The following UBE2E3 variants were observed in gnomAD, a reference collection of about 807,000 sequenced individuals.
The protein encoded by UBE2E3 is ubiquitin conjugating enzyme E2 E3.
A neutral mutation model predicts 23.6 loss-of-function variants in UBE2E3; 5 were observed. That is an observed-to-expected ratio of 0.21 (90% CI 0.11 to 0.44). The LOEUF is 0.44. UBE2E3 is among the 20% of genes least tolerant of loss of function. The pLI, the probability that UBE2E3 is intolerant of heterozygous loss-of-function variation, is 0.99. For synonymous variants in UBE2E3, 78 were observed against 87.5 expected, an observed-to-expected ratio of 0.89 and a Z score of 0.60; for missense variants, 81 against 249.8, an observed-to-expected ratio of 0.32 and a Z score of 4.55.
intron 3 of UBE2E3, among the ~76,000 whole-genome samples, chr2:181,023,635 G>A (rs1177258761): frequency 6.6e-6 from 1 of 152,064 alleles, no homozygotes; most frequent in African/African-American, 2.4e-5. Flanking sequence ...TGACAACCTC[G>A]AAGGATTTCT....
intron 3 of UBE2E3, among the ~76,000 whole-genome samples, chr2:181,039,219 T>C (rs766607564): frequency 1.1e-4 from 17 of 149,644 alleles, no homozygotes; most frequent in Non-Finnish European, 1.9e-4. Flanking sequence ...ATCATGGTTG[T>C]AGTGATGTTA....
intron 3 of UBE2E3, among the ~76,000 whole-genome samples, chr2:181,027,822 G>GT (rs1685946782): frequency 6.6e-6 from 1 of 151,876 alleles, no homozygotes; most frequent in Admixed American, 6.6e-5. Flanking sequence ...TGATTGTACA[G>GT]AAAAAAGTAA....
At chr2:181,055,593 C>T (rs1265349501) in intron 3 of UBE2E3, among the ~76,000 whole-genome samples, 1 of 151,768 alleles carries the variant, frequency 6.6e-6, no homozygotes, top group African/African-American at 2.4e-5. Context: ...TCTTTGGGTA[C>T]AGCAAAGTAA....
At chr2:181,005,370 G>GT (rs916191745) in intron 3 of UBE2E3, among the ~76,000 whole-genome samples, 69 of 152,282 alleles carry the variant, frequency 4.5e-4, no homozygotes, top group African/African-American at 1.6e-3. Context: ...CTCCAGCTGA[G>GT]TATATTATAT....
chr2:181,018,288 T>C (rs537743301), intron 3 of UBE2E3, among the ~76,000 whole-genome samples: 2 of 152,214 alleles, frequency 1.3e-5, no homozygotes, highest in Non-Finnish European at 2.9e-5. Context: ...TCTGGTGATG[T>C]ACCTGTATAC....
chr2:181,014,002 G>A (rs1374853779), intron 3 of UBE2E3, among the ~76,000 whole-genome samples: 1 of 152,194 alleles, frequency 6.6e-6, no homozygotes, highest in Non-Finnish European at 1.5e-5. Context: ...GATGGTAGTG[G>A]AAGTGGAGGT....
intron 3 of UBE2E3, among the ~76,000 whole-genome samples, chr2:181,028,785 A>G (rs1685979247): frequency 6.6e-6 from 1 of 151,918 alleles, no homozygotes; most frequent in Non-Finnish European, 1.5e-5. Flanking sequence ...CCTTTTGTAC[A>G]TATATGTTGC....
intron 3 of UBE2E3, among the ~76,000 whole-genome samples, chr2:181,053,509 C>A (rs1216821528): frequency 2.0e-5 from 3 of 151,596 alleles, no homozygotes; most frequent in Admixed American, 2.0e-4. Context: ...TAAATATTTG[C>A]TTGTTCTAAA....
intron 3 of UBE2E3, among the ~76,000 whole-genome samples, chr2:180,989,230 T>A (rs1002755976): frequency 2.0e-5 from 3 of 152,142 alleles, no homozygotes; most frequent in African/African-American, 7.2e-5. Context: ...AATAAAGTAC[T>A]TTTTTCATGC....
At chr2:180,999,116 T>C (rs958444722) in intron 3 of UBE2E3, among the ~76,000 whole-genome samples, 54 of 152,260 alleles carry the variant, frequency 3.5e-4, no homozygotes, top group Non-Finnish European at 6.3e-4. Flanking sequence ...ATGACAGTTA[T>C]CTAATCTCAC....
At chr2:181,058,316 C>A (rs954731355) in intron 4 of UBE2E3, among the ~76,000 whole-genome samples, 2 of 151,586 alleles carry the variant, frequency 1.3e-5, no homozygotes, top group African/African-American at 2.4e-5. Flanking sequence ...TCATTTTGTA[C>A]CTTCTGTGGG....
chr2:181,019,575 G>GA (rs1685607991), intron 3 of UBE2E3, among the ~76,000 whole-genome samples: 1 of 152,096 alleles, frequency 6.6e-6, no homozygotes, highest in Non-Finnish European at 1.5e-5. Context: ...AGCTTCATTT[G>GA]TAATTATCTC....
intron 3 of UBE2E3, among the ~76,000 whole-genome samples, chr2:180,988,800 T>G (rs866139511): frequency 6.6e-6 from 1 of 152,176 alleles, no homozygotes; most frequent in Non-Finnish European, 1.5e-5. Flanking sequence ...CACATGTAGA[T>G]AGACTGCTTT....
At chr2:181,040,033 C>A (rs1686435097) in intron 3 of UBE2E3, among the ~76,000 whole-genome samples, 2 of 152,146 alleles carry the variant, frequency 1.3e-5, no homozygotes, top group African/African-American at 4.8e-5. Context: ...GTACAGAGGG[C>A]TGACTGTATT....
At chr2:180,984,201 A>G (rs1335736082) in intron 3 of UBE2E3, 108 bp downstream of exon 3, 1 of 946,788 alleles carries the variant, frequency 1.1e-6, no homozygotes, top group Non-Finnish European at 1.5e-6. Context: ...TTGCTTCTTT[A>G]CAGCTTTGCA....
At chr2:181,003,470 G>T (rs922334461) in intron 3 of UBE2E3, among the ~76,000 whole-genome samples, 3 of 152,052 alleles carry the variant, frequency 2.0e-5, no homozygotes, top group Admixed American at 2.0e-4. Flanking sequence ...CTTCCAGGGG[G>T]GATGACGCTG....
intron 3 of UBE2E3, among the ~76,000 whole-genome samples, chr2:181,010,363 AT>A (rs938751140): frequency 3.3e-5 from 5 of 151,914 alleles, no homozygotes; most frequent in Admixed American, 1.3e-4. Context: ...GGGAAGGATT[AT>A]TTTTTTGAGG....
Position 180,994,834 on chromosome 2 carries a change from C to T in UBE2E3, c.245+10741C>T, listed in dbSNP as rs72883531. On this transcript the variant is annotated intron_variant, in intron 3 of 5. Coordinates refer to ENST00000410062, the MANE Select transcript of UBE2E3 (RefSeq NM_006357.4). ...TACTAGTCTGTTTTATCATTTACTG[C>T]TATGAGATACACACAAACCTATTAT... 9.8e-3 allele frequency among the ~76,000 whole-genome samples: 1,495 copies of T among 152,228 alleles called. 8 individuals carry two copies. The highest frequency in any genetic ancestry group is 0.014 in the Non-Finnish European group (937 of 67,988).
At chr2:181,039,286 T>TCA (rs1553539208) in intron 3 of UBE2E3, among the ~76,000 whole-genome samples, 1 of 151,634 alleles carries the variant, frequency 6.6e-6, no homozygotes, top group Non-Finnish European at 1.5e-5. Context: ...GTGAATAAAT[T>TCA]TTATAAATAA....
Sources: gnomAD v4.1 joint callset for allele counts (sites outside exome capture counted in the v4.1 genomes callset) on GRCh38, gnomAD v4.1.1 for gene constraint, MANE v1.5 for transcripts, NCBI Gene and HGNC (gene_info 2026-07-23, HGNC 2026-07-21) for gene names.